The following CABLES1 variants were observed in gnomAD, a reference collection of about 807,000 sequenced individuals.
CABLES1 encodes the protein CDK5 and ABL1 enzyme substrate 1.
In CABLES1, 36 loss-of-function variants were observed where a neutral mutation model predicts 57.8. That is an observed-to-expected ratio of 0.62 (90% CI 0.48 to 0.82). The LOEUF (loss-of-function observed/expected upper bound fraction) is 0.82, where lower values mean the gene tolerates loss of function less well. Among genes scored for constraint, CABLES1 ranks in the 40% least tolerant of loss-of-function variants. The pLI is 0.00. For missense variants in CABLES1, 767 were observed against 836.6 expected, an observed-to-expected ratio of 0.92 and a Z score of 1.03; for synonymous variants, 374 against 363.0, an observed-to-expected ratio of 1.03 and a Z score of -0.35.
intron 6 of CABLES1, among the ~76,000 whole-genome samples, chr18:23,236,748 C>T (rs1359169640): frequency 6.6e-6 from 1 of 152,114 alleles, no homozygotes; most frequent in Non-Finnish European, 1.5e-5. Flanking sequence ...TGGAAGTATT[C>T]GCACCAAATC....
chr18:23,152,008 C>T (rs2046934214), intron 1 of CABLES1, among the ~76,000 whole-genome samples: 1 of 152,138 alleles, frequency 6.6e-6, no homozygotes, highest in Non-Finnish European at 1.5e-5. Flanking sequence ...GAGTGGAAGG[C>T]ATTGAGGAGA....
chr18:23,229,142 G>A (rs1490896355), intron 4 of CABLES1, among the ~76,000 whole-genome samples: 2 of 152,332 alleles, frequency 1.3e-5, no homozygotes, highest in Admixed American at 1.3e-4. Context: ...GCCAGGCACG[G>A]TGGCTCACGG....
At position 23,237,163 on chromosome 18, in the gene CABLES1, T is replaced by C. The variant is rs747659049; in HGVS notation, c.1364T>C (p.Met455Thr). 3.7e-6 allele frequency: 6 copies of C among 1,612,864 alleles called. No homozygotes were observed. Among genetic ancestry groups the C allele is most frequent in the Non-Finnish European group, 5.1e-6 (6 of 1,178,792 alleles). Residue 455 changes from methionine (M) to threonine (T), a missense_variant, in exon 7 of 10, where the codon ATG (methionine) becomes ACG (threonine). This residue lies in a region of CABLES1 where 529 missense variants were observed against 622.8 expected (regional missense o/e 0.85). Coordinates refer to ENST00000256925, the MANE Select transcript of CABLES1 (RefSeq NM_001100619.3). The part of the protein sequence containing the change: ...LDTGSDLGDF[M>T]DYDPNLLDDP... The stretch of plus-strand genomic sequence containing the variant: ...TCAGGTAGTGACCTGGGAGACTTTA[T>C]GGACTATGACCCAAATCTCTTGGAT...
upstream of CABLES1, among the ~76,000 whole-genome samples, chr18:23,135,270 C>T (rs189736974): frequency 3.0e-4 from 45 of 152,322 alleles, no homozygotes; most frequent in East Asian, 2.9e-3. Context: ...GGGCCGATCC[C>T]CCGCCCCACC....
intron 4 of CABLES1, among the ~76,000 whole-genome samples, chr18:23,218,969 A>G (rs1776464360): frequency 6.6e-6 from 1 of 152,194 alleles, no homozygotes; most frequent in Non-Finnish European, 1.5e-5. Context: ...ACAAATCCTG[A>G]CCAACACCCA....
intron 3 of CABLES1, chr18:23,197,865 G>A (rs891867053): frequency 1.3e-5 from 2 of 152,208 alleles, no homozygotes; most frequent in Admixed American, 6.5e-5. Flanking sequence ...CTTCTGGGTT[G>A]GAGCATATTT....
chr18:23,141,781 G>A (rs906582032), intron 1 of CABLES1, among the ~76,000 whole-genome samples: 1 of 152,172 alleles, frequency 6.6e-6, no homozygotes, highest in African/African-American at 2.4e-5. Flanking sequence ...TTTGCTCTCT[G>A]AATGGGTGGG....
intron 3 of CABLES1, among the ~76,000 whole-genome samples, chr18:23,203,336 G>A (rs1471479796): frequency 1.3e-5 from 2 of 152,010 alleles, no homozygotes; most frequent in African/African-American, 4.8e-5. Flanking sequence ...GCAGTAAGTC[G>A]ACTGAGCTAT....
intron 4 of CABLES1, among the ~76,000 whole-genome samples, chr18:23,223,671 CCTCT>C (rs1248460687): frequency 1.3e-5 from 2 of 151,976 alleles, no homozygotes; most frequent in Non-Finnish European, 2.9e-5. Flanking sequence ...CCCTGGAGCC[CCTCT>C]CTGTGTCTAG....
chr18:23,245,146 GC>G (rs1471039685), intron 7 of CABLES1, among the ~76,000 whole-genome samples: 1 of 152,170 alleles, frequency 6.6e-6, no homozygotes, highest in African/African-American at 2.4e-5. Flanking sequence ...CCAGGATGGG[GC>G]CCAAGTTCAG....
chr18:23,228,438 T>C (rs2047543517), intron 4 of CABLES1, among the ~76,000 whole-genome samples: 1 of 152,174 alleles, frequency 6.6e-6, no homozygotes, highest in Non-Finnish European at 1.5e-5. Context: ...TGCTTTGTGC[T>C]GAAGAAGCCA....
intron 1 of CABLES1, among the ~76,000 whole-genome samples, chr18:23,174,674 A>G (rs781071290): frequency 3.3e-4 from 50 of 151,412 alleles, no homozygotes; most frequent in East Asian, 1.4e-3. Context: ...GGATTTCACC[A>G]TGTTAGCCAG....
In CABLES1 at chr18:23,180,265, G is replaced by A. The variant is rs115777789; in HGVS notation, c.846-8573G>A. ...GTGAGCGCAGTCTGATTGGACTTCT[G>A]CTGGAGGAGCATCTGGAATCTTGGC... On this transcript the variant is annotated intron_variant, in intron 1 of 9. Coordinates refer to ENST00000256925, the MANE Select transcript of CABLES1 (RefSeq NM_001100619.3). Among the ~76,000 whole-genome samples the A allele has an allele frequency of 5.9e-3, 894 of 152,148 alleles. 9 individuals are homozygous for A. Among genetic ancestry groups the A allele is most frequent in the African/African-American group, 0.02 (848 of 41,488 alleles).
chr18:23,137,979 T>G (rs947241029), intron 1 of CABLES1, among the ~76,000 whole-genome samples: 7 of 152,172 alleles, frequency 4.6e-5, no homozygotes, highest in Admixed American at 2.6e-4. Flanking sequence ...TGGTATCCCT[T>G]GTTTCTGGGT....
chr18:23,149,098 TGTC>T (rs2046911123), intron 1 of CABLES1, among the ~76,000 whole-genome samples: 1 of 152,142 alleles, frequency 6.6e-6, no homozygotes, highest in African/African-American at 2.4e-5. Context: ...TTTGCCATGT[TGTC>T]CAGGCTGGTC....
At chr18:23,177,863 C>T (rs2047136060) in intron 1 of CABLES1, among the ~76,000 whole-genome samples, 1 of 152,172 alleles carries the variant, frequency 6.6e-6, no homozygotes, top group Non-Finnish European at 1.5e-5. Context: ...TATCCTTAAA[C>T]CATGGGACCA....
At chr18:23,230,806 T>C (rs970530186) in intron 4 of CABLES1, among the ~76,000 whole-genome samples, 3 of 152,196 alleles carry the variant, frequency 2.0e-5, no homozygotes, top group African/African-American at 7.2e-5. Flanking sequence ...GCCTGGAACC[T>C]ACTGTAATGC....
intron 2 of CABLES1, among the ~76,000 whole-genome samples, chr18:23,191,906 TAAAAAAA>T (rs147984743): frequency 0.014 from 1,151 of 82,204 alleles, 22 homozygotes; most frequent in East Asian, 0.063. Context: ...GTTGAATGCT[TAAAAAAA>T]AAAAAAAAAA....
At chr18:23,163,246 G>C (rs2047017271) in intron 1 of CABLES1, among the ~76,000 whole-genome samples, 1 of 152,110 alleles carries the variant, frequency 6.6e-6, no homozygotes, top group Non-Finnish European at 1.5e-5. Flanking sequence ...AGTTTGAGCT[G>C]CCTGTGAGGA....
Sources: allele counts gnomAD v4.1 joint callset (sites outside exome capture counted in the v4.1 genomes callset), GRCh38; gene constraint gnomAD v4.1.1; regional missense constraint gnomAD v4.1.1; transcripts MANE v1.5; gene names NCBI Gene and HGNC (gene_info 2026-07-23, HGNC 2026-07-21).